Variants in KIFAP3 observed in about 807,000 individuals in gnomAD.
KIFAP3 encodes kinesin associated protein 3, also known as kinesin-associated protein 3.
Under a neutral mutation model 106.5 loss-of-function variants are expected in KIFAP3, and 68 were observed. The ratio of observed to expected loss-of-function variants is 0.64; its 90% CI spans 0.53 to 0.78. The LOEUF (loss-of-function observed/expected upper bound fraction) is 0.78. Among genes scored for constraint, KIFAP3 ranks in the 30% least tolerant of loss-of-function variants. The probability of loss-of-function intolerance (pLI) is 0.00; values close to 1 mark genes in which losing one functional copy is unlikely to be tolerated. For synonymous variants in KIFAP3, 320 were observed against 311.5 expected (o/e 1.03, Z -0.29); for missense variants, 780 against 941.8 (o/e 0.83, Z 2.25).
rs114608007 is a variant in KIFAP3 at position 169,961,641 on chromosome 1, C to T, written c.1984-406G>A. Among the ~76,000 whole-genome samples, 1,075 of 152,164 alleles carry T rather than the reference C, an allele frequency of 7.1e-3. 17 individuals carry two copies. The highest frequency in any genetic ancestry group is 0.024 in the African/African-American group (985 of 41,522). ...TACACGGATTTTTGTTCCACCTCTG[C>T]CACCCCTGAGACAGCAAAACCAAGC... On this transcript the variant is annotated intron_variant, in intron 17 of 19. Coordinates refer to ENST00000361580, the MANE Select transcript of KIFAP3 (RefSeq NM_014970.4).
intron 1 of KIFAP3, among the ~76,000 whole-genome samples, chr1:170,063,020 C>G (rs559531241): frequency 3.8e-4 from 58 of 152,144 alleles, no homozygotes; most frequent in African/African-American, 1.3e-3. Flanking sequence ...CTGCCTCTAT[C>G]GACTCTAAAA....
chr1:169,986,961 C>T lies in KIFAP3; in HGVS notation c.1285-2271G>A, dbSNP rs182251042. Among the ~76,000 whole-genome samples the T allele has an allele frequency of 2.9e-4, 44 of 151,872 alleles. No individual in the cohort carries two copies. In the South Asian group the frequency reaches 5.0e-3, roughly 17 times the overall value. ...GATTTTTAGAAAATAATGCATGGCTCGAAAACTTACTCAACTCCCATTCCC... is the reference window on the plus strand; with the variant it reads ...GATTTTTAGAAAATAATGCATGGCTTGAAAACTTACTCAACTCCCATTCCC... On this transcript the variant is annotated intron_variant, in intron 11 of 19. Coordinates refer to ENST00000361580, the MANE Select transcript of KIFAP3 (RefSeq NM_014970.4).
At chr1:169,925,267 A>G (rs1335170627) in intron 19 of KIFAP3, among the ~76,000 whole-genome samples, 1 of 152,118 alleles carries the variant, frequency 6.6e-6, no homozygotes, top group South Asian at 2.1e-4. Flanking sequence ...AATCACCAAA[A>G]TAGTGTCTCT....
At chr1:170,055,214 A>T in intron 2 of KIFAP3, 91 bp downstream of exon 2, 1 of 1,089,034 alleles carries the variant, frequency 9.2e-7, no homozygotes, top group Non-Finnish European at 1.3e-6. Flanking sequence ...TGCCATAATT[A>T]ATCACCTATG....
At chr1:170,083,868 T>C (rs541411067) in intron 1 of KIFAP3, among the ~76,000 whole-genome samples, 1 of 152,350 alleles carries the variant, frequency 6.6e-6, no homozygotes, top group South Asian at 2.1e-4. Context: ...AGTTGATATT[T>C]TGTTAGAATC....
chr1:169,973,388 A>C (rs985975176), intron 16 of KIFAP3, among the ~76,000 whole-genome samples: 1 of 150,080 alleles, frequency 6.7e-6, no homozygotes, highest in Non-Finnish European at 1.5e-5. Flanking sequence ...GAAGAAAACC[A>C]ATGTAACAGA....
chr1:170,024,219 C>T, intron 9 of KIFAP3, 199 bp downstream of exon 9: 1 of 397,972 alleles, frequency 2.5e-6, no homozygotes. Flanking sequence ...GATTTTTATT[C>T]AGAAAGCTTC....
chr1:169,979,508 C>T lies in KIFAP3; in HGVS notation c.1799-1325G>A, dbSNP rs530968032. On this transcript the variant is annotated intron_variant, in intron 15 of 19. Transcript: ENST00000361580. ...TTAAATAGGCACATCTTTTTACTGG[C>T]TATCCCTAAATAATCAATAAACATA... 1.8e-4 allele frequency among the ~76,000 whole-genome samples: 27 copies of T among 152,170 alleles called. 2 individuals are homozygous for T. In the South Asian group the frequency reaches 5.6e-3, roughly 32 times the overall value.
At chr1:169,954,412 G>GA (rs1358760303) in intron 18 of KIFAP3, among the ~76,000 whole-genome samples, 1 of 152,034 alleles carries the variant, frequency 6.6e-6, no homozygotes, top group Non-Finnish European at 1.5e-5. Context: ...GGAGAAGAAA[G>GA]AAAAAGATAA....
chr1:169,983,508 G>A, intron 12 of KIFAP3, 126 bp from the exon 13 acceptor site: 1 of 652,468 alleles, frequency 1.5e-6, no homozygotes, highest in Middle Eastern at 2.4e-4. Context: ...GGTACAATTT[G>A]ATTAATTTAG....
intron 1 of KIFAP3, among the ~76,000 whole-genome samples, chr1:170,057,116 T>C (rs1180333000): frequency 6.6e-6 from 1 of 152,088 alleles, no homozygotes; most frequent in Non-Finnish European, 1.5e-5. Context: ...CCTGATAACA[T>C]GAAAAGCAAT....
chr1:169,958,126 C>T (rs190757343), intron 18 of KIFAP3: 2 of 152,398 alleles, frequency 1.3e-5, no homozygotes, highest in Admixed American at 1.3e-4. Flanking sequence ...TGATGCTCAA[C>T]TTAGTGGGGA....
At chr1:169,960,587 G>T (rs183744110) in intron 18 of KIFAP3, among the ~76,000 whole-genome samples, 3 of 152,044 alleles carry the variant, frequency 2.0e-5, no homozygotes, top group Non-Finnish European at 4.4e-5. Context: ...TGCCTAAATC[G>T]TCCCCAAAGT....
At chr1:169,980,603 T>C (rs1666465469) in intron 15 of KIFAP3, among the ~76,000 whole-genome samples, 1 of 152,318 alleles carries the variant, frequency 6.6e-6, no homozygotes, top group East Asian at 1.9e-4. Context: ...TCAAGTGTTC[T>C]ACAGCTACAT....
intron 19 of KIFAP3, among the ~76,000 whole-genome samples, chr1:169,939,889 T>C (rs1229772314): frequency 6.6e-6 from 1 of 151,854 alleles, no homozygotes; most frequent in African/African-American, 2.4e-5. Context: ...TTGACAAGAG[T>C]GGGGAAGTTG....
At chr1:170,038,786 G>T (rs1669820091) in intron 4 of KIFAP3, among the ~76,000 whole-genome samples, 3 of 152,046 alleles carry the variant, frequency 2.0e-5, no homozygotes, top group African/African-American at 2.4e-5. Context: ...AAAATTAATT[G>T]TCTAGAAAGC....
chr1:170,022,283 TA>T (rs1427731696), intron 9 of KIFAP3, among the ~76,000 whole-genome samples: 2 of 152,132 alleles, frequency 1.3e-5, no homozygotes, highest in Non-Finnish European at 2.9e-5. Flanking sequence ...CACAACTTAT[TA>T]GTATTTTTAT....
At chr1:170,071,725 A>T (rs1175116214) in intron 1 of KIFAP3, among the ~76,000 whole-genome samples, 1 of 152,028 alleles carries the variant, frequency 6.6e-6, no homozygotes, top group Non-Finnish European at 1.5e-5. Flanking sequence ...TGAGGGATCC[A>T]CCCCCAAAAC....
intron 9 of KIFAP3, among the ~76,000 whole-genome samples, chr1:170,017,850 A>G (rs1353643899): frequency 6.6e-6 from 1 of 152,228 alleles, no homozygotes; most frequent in Non-Finnish European, 1.5e-5. Flanking sequence ...TAACTGACAA[A>G]TGGAAAAAGA....
Sources: gnomAD v4.1 joint callset for allele counts (sites outside exome capture counted in the v4.1 genomes callset) on GRCh38, gnomAD v4.1.1 for gene constraint, MANE v1.5 for transcripts, NCBI Gene and HGNC (gene_info 2026-07-23, HGNC 2026-07-21) for gene names.